Variants in R3HDM1 observed in about 807,000 individuals in gnomAD.
The protein encoded by R3HDM1 is R3H domain-containing protein 1.
In R3HDM1, 46 loss-of-function variants were observed where a neutral mutation model predicts 141.1. The observed-to-expected ratio is 0.33, with a 90% CI of 0.26 to 0.42. The LOEUF is 0.42. Ranked by LOEUF, R3HDM1 falls within the 10% of genes least tolerant of loss-of-function variation. R3HDM1 has a pLI of 1.00. For missense variants in R3HDM1, 1,184 were observed against 1,368.3 expected, an observed-to-expected ratio of 0.87 and a Z score of 2.12; for synonymous variants, 435 against 472.9, an observed-to-expected ratio of 0.92 and a Z score of 1.04.
chr2:135,547,140 A>C (rs1180181823), intron 1 of R3HDM1, among the ~76,000 whole-genome samples: 1 of 152,204 alleles, frequency 6.6e-6, no homozygotes, highest in Admixed American at 6.5e-5. Flanking sequence ...GACAAATTAT[A>C]AACATTTTGG....
At chr2:135,712,536 T>C (rs1009942551) in intron 23 of R3HDM1, among the ~76,000 whole-genome samples, 19 of 150,524 alleles carry the variant, frequency 1.3e-4, no homozygotes, top group African/African-American at 4.7e-4. Flanking sequence ...CCTCCCAAAG[T>C]GCTGGGATCA....
At chr2:135,597,847 G>A (rs1327909573) in intron 1 of R3HDM1, among the ~76,000 whole-genome samples, 1 of 152,018 alleles carries the variant, frequency 6.6e-6, no homozygotes, top group East Asian at 1.9e-4. Flanking sequence ...TAAATATTTT[G>A]TTAACCTAGA....
intron 1 of R3HDM1, among the ~76,000 whole-genome samples, chr2:135,539,552 C>T (rs185860262): frequency 5.3e-4 from 80 of 152,116 alleles, no homozygotes; most frequent in African/African-American, 1.9e-3. Flanking sequence ...TGCAGGCACA[C>T]CTAGGAGATA....
intron 21 of R3HDM1, among the ~76,000 whole-genome samples, chr2:135,708,525 G>C (rs952279178): frequency 6.6e-6 from 1 of 152,146 alleles, no homozygotes; most frequent in East Asian, 1.9e-4. Flanking sequence ...AGACAATAGA[G>C]TTTTAGATAT....
At chr2:135,669,338 A>G in intron 19 of R3HDM1, 1 of 985,372 alleles carries the variant, frequency 1.0e-6, no homozygotes, top group Non-Finnish European at 1.2e-6. Flanking sequence ...TAACTACCCA[A>G]AAATTTTCAC....
chr2:135,555,620 A>G (rs1700606750), intron 1 of R3HDM1, among the ~76,000 whole-genome samples: 1 of 152,248 alleles, frequency 6.6e-6, no homozygotes, highest in African/African-American at 2.4e-5. Context: ...ACCAACGTTT[A>G]TAGCAGCACT....
intron 24 of R3HDM1, among the ~76,000 whole-genome samples, chr2:135,716,849 G>A (rs2076201923): frequency 1.3e-5 from 2 of 152,144 alleles, no homozygotes; most frequent in Admixed American, 1.3e-4. Flanking sequence ...CTACTCGGGA[G>A]GCTGAAGCAG....
At chr2:135,540,976 A>G (rs1208006499) in intron 1 of R3HDM1, among the ~76,000 whole-genome samples, 1 of 152,208 alleles carries the variant, frequency 6.6e-6, no homozygotes, top group Non-Finnish European at 1.5e-5. Flanking sequence ...ATCAACGAAC[A>G]GTAAGTTTTT....
intron 21 of R3HDM1, among the ~76,000 whole-genome samples, chr2:135,705,019 TG>T (rs2074723512): frequency 6.6e-6 from 1 of 152,220 alleles, no homozygotes; most frequent in South Asian, 2.1e-4. Context: ...GGTTAAAGGA[TG>T]TGACTGTTAT....
chr2:135,708,862 G>A (rs1405600705), intron 21 of R3HDM1, among the ~76,000 whole-genome samples: 1 of 150,788 alleles, frequency 6.6e-6, no homozygotes, highest in East Asian at 2.0e-4. Flanking sequence ...GGGAGGCTGA[G>A]GCAGGAGAAT....
chr2:135,625,350 C>G (rs1454116539), intron 7 of R3HDM1, among the ~76,000 whole-genome samples: 1 of 151,982 alleles, frequency 6.6e-6, no homozygotes, highest in Non-Finnish European at 1.5e-5. Context: ...GAGGCTGAAG[C>G]AGGAGAACTG....
chr2:135,675,620 GA>G, intron 20 of R3HDM1, 134 bp downstream of exon 20: 1 of 898,980 alleles, frequency 1.1e-6, no homozygotes. Flanking sequence ...TTTAATACAG[GA>G]AAAACACTTC....
At chr2:135,609,329 T>C (rs1180989440) in intron 3 of R3HDM1, among the ~76,000 whole-genome samples, 1 of 152,224 alleles carries the variant, frequency 6.6e-6, no homozygotes, top group Non-Finnish European at 1.5e-5. Flanking sequence ...TAGGATTACT[T>C]TCATAAAAAT....
At chr2:135,562,167 T>G (rs1701921268) in intron 1 of R3HDM1, among the ~76,000 whole-genome samples, 1 of 152,214 alleles carries the variant, frequency 6.6e-6, no homozygotes, top group East Asian at 1.9e-4. Flanking sequence ...TTTATAAATT[T>G]TCTTTCTCTA....
intron 1 of R3HDM1, among the ~76,000 whole-genome samples, chr2:135,564,262 T>A (rs2104970078): frequency 6.6e-6 from 1 of 152,358 alleles, no homozygotes; most frequent in African/African-American, 2.4e-5. Context: ...AGAAATGAGA[T>A]AAATGAAATG....
At chr2:135,605,043 A>G (rs2059929687) in intron 3 of R3HDM1, 27 bp downstream of exon 3, 1 of 1,468,348 alleles carries the variant, frequency 6.8e-7, no homozygotes, top group Non-Finnish European at 9.4e-7. Context: ...CTCTGGCTAC[A>G]AATACTAAAT....
At position 135,616,706 on chromosome 2, in the gene R3HDM1, G is replaced by T; in HGVS notation, c.252G>T (p.Val84=). 1 of 1,610,026 alleles carries T rather than the reference G, an allele frequency of 6.2e-7. No homozygotes were observed. The highest frequency in any genetic ancestry group is 8.5e-7 in the Non-Finnish European group (1 of 1,177,644). ...SKLKLVRSLA[V]CEESPPPPAP... ...TAAAGCTAGTTCGGAGCCTTGCAGT[G>T]TGTGAAGAATCTCCACCACCCCCTG... The change falls in exon 5 of 27, where the codon GTG becomes GTT. Residue 84 remains valine, a synonymous_variant. Transcript: ENST00000683871.
At chr2:135,691,778 A>G (rs1292026299) in intron 21 of R3HDM1, among the ~76,000 whole-genome samples, 2 of 152,022 alleles carry the variant, frequency 1.3e-5, no homozygotes, top group African/African-American at 4.8e-5. Context: ...GGGCAACAAA[A>G]CAAGACTCTG....
intron 19 of R3HDM1, among the ~76,000 whole-genome samples, chr2:135,674,475 A>G (rs2068841312): frequency 1.3e-5 from 2 of 152,228 alleles, no homozygotes. Context: ...GGTAGCATCT[A>G]GTAATTTACA....
Sources: gnomAD v4.1 joint callset for allele counts (sites outside exome capture counted in the v4.1 genomes callset) on GRCh38, gnomAD v4.1.1 for gene constraint, MANE v1.5 for transcripts, NCBI Gene and HGNC (gene_info 2026-07-23, HGNC 2026-07-21) for gene names.